The following PDGFD variants were observed in gnomAD, a reference collection of about 807,000 sequenced individuals.
PDGFD encodes platelet derived growth factor D, also known as platelet-derived growth factor D.
Under a neutral mutation model 44.7 loss-of-function variants are expected in PDGFD, and 30 were observed. That is an observed-to-expected ratio of 0.67 (90% CI 0.50 to 0.91). The LOEUF is 0.91. Among genes scored for constraint, PDGFD ranks in the 40% least tolerant of loss-of-function variants. PDGFD has a pLI of 0.00. For synonymous variants in PDGFD, 173 were observed against 168.4 expected, an observed-to-expected ratio of 1.03 and a Z score of -0.21; for missense variants, 445 against 457.8, an observed-to-expected ratio of 0.97 and a Z score of 0.25.
intron 3 of PDGFD, among the ~76,000 whole-genome samples, chr11:103,991,009 G>C (rs977918633): frequency 1.3e-5 from 2 of 151,828 alleles, no homozygotes; most frequent in African/African-American, 4.8e-5. Context: ...CATGGTGGCG[G>C]GTGCCTGTAG....
At chr11:103,950,005 T>C (rs1207276655) in intron 3 of PDGFD, among the ~76,000 whole-genome samples, 1 of 152,152 alleles carries the variant, frequency 6.6e-6, no homozygotes, top group Non-Finnish European at 1.5e-5. Context: ...ATAGTGCGTT[T>C]GAGAAGCCTA....
At chr11:103,925,716 C>CACATATATATATATATATAT (rs1198529368) in intron 6 of PDGFD, among the ~76,000 whole-genome samples, 3 of 122,760 alleles carry the variant, frequency 2.4e-5, no homozygotes, top group African/African-American at 9.7e-5. Context: ...CACACACACA[C>CACATATATATATATATATAT]ATATATATAT....
rs1035177260 is a variant in PDGFD, at chr11:104,001,671, T to A, written c.125-1416A>T. ...ATCTCTCTCAATATTCAGAGTTCATTGCATTTTGGATTTTGGCTTTTTAGG... is the reference window on the plus strand; with the variant it reads ...ATCTCTCTCAATATTCAGAGTTCATAGCATTTTGGATTTTGGCTTTTTAGG... On this transcript the variant is annotated intron_variant, in intron 1 of 6. Coordinates refer to ENST00000393158, the MANE Select transcript of PDGFD (RefSeq NM_025208.5). Among the ~76,000 whole-genome samples the A allele has an allele frequency of 2.6e-5, 4 of 152,330 alleles. No homozygotes were observed. In the South Asian group the frequency reaches 8.3e-4, roughly 32 times the overall value.
intron 1 of PDGFD, among the ~76,000 whole-genome samples, chr11:104,122,321 T>C (rs1265548067): frequency 6.6e-6 from 1 of 152,062 alleles, no homozygotes; most frequent in Non-Finnish European, 1.5e-5. Flanking sequence ...AGAGAACTCA[T>C]CTGCATAATA....
At chr11:104,087,021 C>CTTTTTTTTTTTTTTTTTTTTTTTTTT (rs528848924) in intron 1 of PDGFD, among the ~76,000 whole-genome samples, 4 of 103,206 alleles carry the variant, frequency 3.9e-5, no homozygotes, top group Non-Finnish European at 3.7e-5. Context: ...GGCTCTTAGT[C>CTTTTTTTTTTTTTTTTTTTTTTTTTT]TTTTTTTTTT....
chr11:104,111,140 CAT>C (rs1323735823), intron 1 of PDGFD, among the ~76,000 whole-genome samples: 1 of 151,802 alleles, frequency 6.6e-6, no homozygotes, highest in Non-Finnish European at 1.5e-5. Flanking sequence ...CTAACAGACT[CAT>C]AGTTTATTAC....
At chr11:104,152,594 C>A (rs571949178) in intron 1 of PDGFD, among the ~76,000 whole-genome samples, 1 of 152,082 alleles carries the variant, frequency 6.6e-6, no homozygotes, top group South Asian at 2.1e-4. Context: ...TACTCAAATA[C>A]TAATATTGGA....
At chr11:104,061,140 T>G (rs1479981565) in intron 1 of PDGFD, among the ~76,000 whole-genome samples, 1 of 152,186 alleles carries the variant, frequency 6.6e-6, no homozygotes, top group African/African-American at 2.4e-5. Context: ...ACTTCATTCC[T>G]TTTTACAGCT....
intron 1 of PDGFD, among the ~76,000 whole-genome samples, chr11:104,111,705 G>C (rs933443787): frequency 5.9e-5 from 9 of 152,112 alleles, no homozygotes; most frequent in Non-Finnish European, 1.3e-4. Flanking sequence ...GCAAATTTTA[G>C]GCACATGTTT....
intron 1 of PDGFD, among the ~76,000 whole-genome samples, chr11:104,110,414 G>A (rs1395758600): frequency 4.7e-5 from 7 of 149,658 alleles, no homozygotes; most frequent in African/African-American, 7.4e-5. Context: ...TCAGACCTCC[G>A]AAAAAATGCC....
At chr11:104,145,098 TTATTGTTATTTAATCTCTGAGTACTGA>T (rs1862144826) in intron 1 of PDGFD, among the ~76,000 whole-genome samples, 12 of 152,236 alleles carry the variant, frequency 7.9e-5, no homozygotes, top group Admixed American at 7.8e-4. Context: ...GGTGTTATTG[TTATTGTTATTTAATCTCTGAGTACTGA>T]GAGGGGTTGA....
At chr11:104,163,737 T>C (rs1862422904) in intron 1 of PDGFD, 67 bp downstream of exon 1, 4 of 1,442,178 alleles carry the variant, frequency 2.8e-6, no homozygotes, top group African/African-American at 1.4e-5. Context: ...GGGAAAAACA[T>C]AGAAAGAACA....
intron 3 of PDGFD, among the ~76,000 whole-genome samples, chr11:103,953,299 G>A (rs995354944): frequency 2.0e-5 from 3 of 151,762 alleles, no homozygotes; most frequent in African/African-American, 7.3e-5. Flanking sequence ...AGATATAACA[G>A]GTAAACAGTT....
intron 1 of PDGFD, among the ~76,000 whole-genome samples, chr11:104,028,326 G>A (rs746647673): frequency 1.3e-5 from 2 of 151,574 alleles, no homozygotes; most frequent in Non-Finnish European, 2.9e-5. Flanking sequence ...CACTAATACA[G>A]AGAAGGTACA....
chr11:104,023,098 G>A (rs1345494242), intron 1 of PDGFD, among the ~76,000 whole-genome samples: 3 of 152,182 alleles, frequency 2.0e-5, no homozygotes, highest in East Asian at 1.9e-4. Flanking sequence ...GCTCCCCAGG[G>A]TGAAATGTTC....
At chr11:104,037,760 T>A (rs1860276842) in intron 1 of PDGFD, 3 of 1,614,026 alleles carry the variant, frequency 1.9e-6, no homozygotes, top group Non-Finnish European at 2.5e-6. Flanking sequence ...GAAGGTGATT[T>A]CTTACAGTGC....
rs1857949428 is a variant in PDGFD, at chr11:103,907,300, T to TA, written c.*2393dup. The TA allele has an allele frequency of 6.6e-6, 1 of 152,132 alleles. No homozygotes were observed. The highest frequency in any genetic ancestry group is 6.6e-5 in the Admixed American group (1 of 15,262). The allele number at this position is 152,132 out of a possible 1,614,324, so 9.4% of individuals were successfully genotyped here. A position where few individuals can be genotyped will look rare whatever the true frequency, so the allele number is the denominator to read the frequency against. ...CATGTTACCGATATGACAAAAAACA[T>TA]AAAAAACTCTACTTATGAAAGTGTT... On this transcript the variant is annotated 3_prime_UTR_variant, in exon 7 of 7. Coordinates refer to ENST00000393158, the MANE Select transcript of PDGFD (RefSeq NM_025208.5).
chr11:103,985,814 C>T (rs1721954321), intron 3 of PDGFD, among the ~76,000 whole-genome samples: 1 of 152,066 alleles, frequency 6.6e-6, no homozygotes, highest in Non-Finnish European at 1.5e-5. Flanking sequence ...AATATGATCA[C>T]AGCTCTACAT....
Position 104,009,429 on chromosome 11 carries a change from C to CATTATTATTATTATTATT in PDGFD, c.125-9192_125-9175dup, listed in dbSNP as rs58324746. On this transcript the variant is annotated intron_variant, in intron 1 of 6. Coordinates refer to ENST00000393158, the MANE Select transcript of PDGFD (RefSeq NM_025208.5). The stretch of plus-strand genomic sequence containing the variant: ...AAATCAGTCCTGTGTCTTGCAAATG[C>CATTATTATTATTATTATT]ATTATTATTATTATTATTATTATTA... Among the ~76,000 whole-genome samples, 323 of 148,812 alleles carry CATTATTATTATTATTATT rather than the reference C, an allele frequency of 2.2e-3. 3 individuals are homozygous for CATTATTATTATTATTATT. Among genetic ancestry groups the CATTATTATTATTATTATT allele is most frequent in the South Asian group, 4.0e-3 (19 of 4,702 alleles).
Sources: allele counts gnomAD v4.1 joint callset (sites outside exome capture counted in the v4.1 genomes callset), GRCh38; gene constraint gnomAD v4.1.1; transcripts MANE v1.5; gene names NCBI Gene and HGNC (gene_info 2026-07-23, HGNC 2026-07-21).